PRKCA: variants seen among roughly 807,000 people sequenced by gnomAD.
The protein encoded by PRKCA is protein kinase C alpha type.
A neutral mutation model predicts 87.0 loss-of-function variants in PRKCA; 27 were observed. The ratio of observed to expected loss-of-function variants is 0.31; its 90% CI spans 0.23 to 0.43. PRKCA has a LOEUF of 0.43. Ranked by LOEUF, PRKCA falls within the 20% of genes least tolerant of loss-of-function variation. PRKCA has a pLI of 1.00. For synonymous variants in PRKCA, 329 were observed against 311.1 expected (o/e 1.06, Z -0.61); for missense variants, 518 against 852.3 (o/e 0.61, Z 4.88).
At chr17:66,339,132 A>G (rs1333680858) in intron 2 of PRKCA, among the ~76,000 whole-genome samples, 1 of 152,164 alleles carries the variant, frequency 6.6e-6, no homozygotes, top group Non-Finnish European at 1.5e-5. Flanking sequence ...TGAAAGGGTA[A>G]CTGTTACAGT....
At chr17:66,692,169 C>G (rs963339119) in intron 8 of PRKCA, among the ~76,000 whole-genome samples, 3 of 152,216 alleles carry the variant, frequency 2.0e-5, no homozygotes, top group Non-Finnish European at 4.4e-5. Flanking sequence ...GGTGGAGGCT[C>G]TGCTCTTCAG....
intron 13 of PRKCA, among the ~76,000 whole-genome samples, chr17:66,749,036 G>GGTATCTTGGAGAAGCCAAAGCCTTCAC (rs1325792545): frequency 7.4e-5 from 11 of 149,400 alleles, no homozygotes; most frequent in Non-Finnish European, 1.0e-4. Flanking sequence ...CTCTGAATTG[G>GGTATCTTGGAGAAGCCAAAGCCTTCAC]AACCCCCTCC....
intron 13 of PRKCA, among the ~76,000 whole-genome samples, chr17:66,744,429 AG>A (rs1264272135): frequency 3.3e-5 from 5 of 152,208 alleles, no homozygotes; most frequent in Non-Finnish European, 7.3e-5. Context: ...ATGATGTAAA[AG>A]CTTAGTGATG....
chr17:66,510,913 A>G (rs1175801198), intron 3 of PRKCA, among the ~76,000 whole-genome samples: 2 of 151,850 alleles, frequency 1.3e-5, no homozygotes. Flanking sequence ...TGCCCGGCTA[A>G]TTTTCGTGTT....
chr17:66,580,573 A>G (rs1969391191), intron 3 of PRKCA, among the ~76,000 whole-genome samples: 2 of 152,218 alleles, frequency 1.3e-5, no homozygotes, highest in Admixed American at 1.3e-4. Context: ...CAAACACATC[A>G]GCTTCCCCGT....
At chr17:66,754,445 C>T (rs1251519003) in intron 13 of PRKCA, among the ~76,000 whole-genome samples, 1 of 152,112 alleles carries the variant, frequency 6.6e-6, no homozygotes, top group Non-Finnish European at 1.5e-5. Flanking sequence ...GCGTGTGACT[C>T]TGGTCACCTC....
At chr17:66,404,933 A>G (rs945918511) in intron 2 of PRKCA, among the ~76,000 whole-genome samples, 2 of 151,692 alleles carry the variant, frequency 1.3e-5, no homozygotes, top group African/African-American at 4.8e-5. Flanking sequence ...TGTTTTTAGT[A>G]GAGACGGGGT....
chr17:66,720,349 A>G (rs1973584968), intron 8 of PRKCA, among the ~76,000 whole-genome samples: 1 of 152,208 alleles, frequency 6.6e-6, no homozygotes, highest in Non-Finnish European at 1.5e-5. Context: ...TATTTACTCT[A>G]ACTGTGCTAC....
rs902856566 is a variant in PRKCA at position 66,810,464 on chromosome 17, A to G, written c.*6427A>G. Reference sequence around the variant, plus strand: ...GTGAAGGACATACCACGTTTAAATCATTAATTGAAAAACATCATATAAGCC... The same window carrying G: ...GTGAAGGACATACCACGTTTAAATCGTTAATTGAAAAACATCATATAAGCC... On this transcript the variant is annotated 3_prime_UTR_variant, in exon 17 of 17. Coordinates refer to ENST00000413366, the MANE Select transcript of PRKCA (RefSeq NM_002737.3). 3.3e-5 allele frequency: 5 copies of G among 152,258 alleles called. No homozygotes were observed. The highest frequency in any genetic ancestry group is 1.2e-4 in the African/African-American group (5 of 41,468). The allele number at this position is 152,258 out of a possible 1,614,324, so 9.4% of individuals were successfully genotyped here.
chr17:66,749,612 GA>G (rs1269324848), intron 13 of PRKCA, among the ~76,000 whole-genome samples: 1 of 152,210 alleles, frequency 6.6e-6, no homozygotes, highest in Non-Finnish European at 1.5e-5. Context: ...ACCACGGGCA[GA>G]ATTTCATCTG....
chr17:66,459,297 A>G (rs1375177869), intron 2 of PRKCA, among the ~76,000 whole-genome samples: 4 of 152,048 alleles, frequency 2.6e-5, no homozygotes, highest in East Asian at 1.9e-4. Context: ...AGGAGGATCA[A>G]TTGAGCCTGG....
chr17:66,596,407 C>A (rs1969977959), intron 3 of PRKCA, among the ~76,000 whole-genome samples: 1 of 152,044 alleles, frequency 6.6e-6, no homozygotes, highest in South Asian at 2.1e-4. Flanking sequence ...TGTTCAGAGC[C>A]AGGCTCTGCT....
chr17:66,617,578 T>G (rs1253708480), intron 3 of PRKCA, among the ~76,000 whole-genome samples: 1 of 152,200 alleles, frequency 6.6e-6, no homozygotes, highest in Non-Finnish European at 1.5e-5. Flanking sequence ...CAGGTAGATC[T>G]GCCTCCACCT....
rs553183135 is a variant in PRKCA, at chr17:66,558,267, C to G, written c.288+61984C>G. Among the ~76,000 whole-genome samples the G allele has an allele frequency of 8.4e-4, 128 of 152,324 alleles. 2 individuals are homozygous for G. In the South Asian group the frequency reaches 0.025, roughly 30 times the overall value. On this transcript the variant is annotated intron_variant, in intron 3 of 16. Transcript: ENST00000413366. ...ATAAACATTTCCCCTCCTGGGGCTT[C>G]TGGTCTTGTTGAAGAGACGGACAGT...
chr17:66,406,676 T>G lies in PRKCA; in HGVS notation c.206-89525T>G, dbSNP rs924874853. Among the ~76,000 whole-genome samples the G allele has an allele frequency of 5.4e-5, 8 of 147,598 alleles. No individual in the cohort carries two copies. In the East Asian group the frequency reaches 8.3e-4, roughly 15 times the overall value. ...GCTGAAGTTGGATGGCAGTTAGAAC[T>G]TAAAATTTAAAGAATGCATTCGATC... is the stretch of plus-strand genomic sequence containing the variant. On this transcript the variant is annotated intron_variant, in intron 2 of 16. Coordinates refer to ENST00000413366, the MANE Select transcript of PRKCA (RefSeq NM_002737.3).
At chr17:66,317,825 T>C (rs1431891105) in intron 2 of PRKCA, among the ~76,000 whole-genome samples, 1 of 152,218 alleles carries the variant, frequency 6.6e-6, no homozygotes, top group Non-Finnish European at 1.5e-5. Context: ...AATTCATGCA[T>C]GCAACTATAC....
At chr17:66,492,855 C>T (rs1198748482) in intron 2 of PRKCA, among the ~76,000 whole-genome samples, 1 of 152,240 alleles carries the variant, frequency 6.6e-6, no homozygotes, top group Non-Finnish European at 1.5e-5. Flanking sequence ...TGTCTCTGTG[C>T]TGCCTGGGCA....
intron 3 of PRKCA, among the ~76,000 whole-genome samples, chr17:66,618,153 G>A (rs533047025): frequency 2.6e-5 from 4 of 152,090 alleles, no homozygotes; most frequent in Admixed American, 1.3e-4. Context: ...TCAGGAGTTC[G>A]AGACCAGCCT....
chr17:66,797,006 C>T (rs1377463762), intron 16 of PRKCA: 2 of 974,400 alleles, frequency 2.1e-6, no homozygotes, highest in Admixed American at 1.2e-4. Flanking sequence ...TGCTTTTTAA[C>T]AGCAGTGTTT....
Sources: gnomAD v4.1 joint callset for allele counts (sites outside exome capture counted in the v4.1 genomes callset) on GRCh38, gnomAD v4.1.1 for gene constraint, MANE v1.5 for transcripts, NCBI Gene and HGNC (gene_info 2026-07-23, HGNC 2026-07-21) for gene names.